Variants in WIPF1 observed in about 807,000 individuals in gnomAD.
WIPF1 encodes WAS/WASL-interacting protein family member 1.
Under a neutral mutation model 35.4 loss-of-function variants are expected in WIPF1, and 13 were observed. That is an observed-to-expected ratio of 0.37 (90% CI 0.24 to 0.58). The LOEUF is 0.58. Ranked by LOEUF, WIPF1 falls within the 20% of genes least tolerant of loss-of-function variation. The pLI is 0.74. For missense variants in WIPF1, 591 were observed against 667.0 expected, an observed-to-expected ratio of 0.89 and a Z score of 1.25; for synonymous variants, 267 against 266.3, an observed-to-expected ratio of 1.00 and a Z score of -0.02.
At chr2:174,608,527 C>T (rs1686245603) in intron 1 of WIPF1, among the ~76,000 whole-genome samples, 1 of 151,760 alleles carries the variant, frequency 6.6e-6, no homozygotes, top group Non-Finnish European at 1.5e-5. Flanking sequence ...TAAGCACTAT[C>T]TTGTCTTAGG....
upstream of WIPF1, among the ~76,000 whole-genome samples, chr2:174,601,211 ACC>A (rs1418075838): frequency 3.3e-5 from 5 of 152,096 alleles, no homozygotes; most frequent in African/African-American, 1.2e-4. Context: ...ATAGGTGTGA[ACC>A]ACCACGCTGC....
chr2:174,666,548 T>C (rs1687895707), intron 1 of WIPF1, among the ~76,000 whole-genome samples: 1 of 152,100 alleles, frequency 6.6e-6, no homozygotes, highest in Non-Finnish European at 1.5e-5. Flanking sequence ...TTCATGAGAG[T>C]TCATTAGTTT....
chr2:174,661,480 C>T lies in WIPF1; in HGVS notation c.-39+21294G>A, dbSNP rs186973150. 3.7e-4 allele frequency among the ~76,000 whole-genome samples: 56 copies of T among 152,208 alleles called. 1 individual carries two copies. The highest frequency in any genetic ancestry group is 7.2e-4 in the Non-Finnish European group (49 of 68,002). On this transcript the variant is annotated intron_variant, in intron 1 of 8. Coordinates refer to the WIPF1 transcript ENST00000272746. ...TGCACCAGGCATGCCCTCAGCCTGA[C>T]GCACACTTCCCCAGGTATCATCCAT...
intron 1 of WIPF1, among the ~76,000 whole-genome samples, chr2:174,605,794 CA>C (rs1180688159): frequency 6.6e-6 from 1 of 151,930 alleles, no homozygotes; most frequent in African/African-American, 2.4e-5. Context: ...CAGTTTGTTA[CA>C]CAGTTCTGTC....
At chr2:174,635,753 G>T (rs1394469516) in intron 1 of WIPF1, among the ~76,000 whole-genome samples, 4 of 152,028 alleles carry the variant, frequency 2.6e-5, no homozygotes, top group Admixed American at 2.0e-4. Context: ...GCTTTTAAAT[G>T]GATTTTTTTG....
upstream of WIPF1, among the ~76,000 whole-genome samples, chr2:174,599,899 T>C (rs117360190): frequency 8.6e-4 from 131 of 152,052 alleles, 3 homozygotes; most frequent in East Asian, 0.015. Flanking sequence ...CCTAACCTTT[T>C]TGGCACCAGG....
At chr2:174,616,607 C>T (rs895840360) in intron 1 of WIPF1, among the ~76,000 whole-genome samples, 1 of 152,122 alleles carries the variant, frequency 6.6e-6, no homozygotes, top group African/African-American at 2.4e-5. Context: ...TTTAAGATGA[C>T]CAACATTGAA....
At chr2:174,580,197 C>T (rs756609550) in intron 3 of WIPF1, among the ~76,000 whole-genome samples, 22 of 152,174 alleles carry the variant, frequency 1.4e-4, no homozygotes, top group Middle Eastern at 3.4e-3. Flanking sequence ...GTGATCCACC[C>T]GCCTCAGCCT....
At position 174,560,500 on chromosome 2, in the gene WIPF1, T is replaced by C. The variant is rs1291000033; in HGVS notation, c.*2047A>G. On this transcript the variant is annotated 3_prime_UTR_variant, in exon 8 of 8. Coordinates refer to ENST00000679041, the MANE Select transcript of WIPF1 (RefSeq NM_001375834.1). ...CATTAGGCTTTATCATAGGGATGTT[T>C]TTCACTGTTGAAATCAGATAAAAGA... 2 of 152,638 alleles carry C rather than the reference T, an allele frequency of 1.3e-5. No homozygotes were observed. Among genetic ancestry groups the C allele is most frequent in the Non-Finnish European group, 2.9e-5 (2 of 68,032 alleles). The allele number at this position is 152,638 out of a possible 1,614,324, so 9.5% of individuals were successfully genotyped here.
rs1345427164 is a variant in WIPF1 at position 174,560,385 on chromosome 2, C to T, written c.*2162G>A. The T allele has an allele frequency of 2.6e-5, 4 of 152,586 alleles. No individual in the cohort carries two copies. Among genetic ancestry groups the T allele is most frequent in the African/African-American group, 7.2e-5 (3 of 41,448 alleles). The allele number at this position is 152,586 out of a possible 1,614,324, so 9.5% of individuals were successfully genotyped here. A position where few individuals can be genotyped will look rare whatever the true frequency, so the allele number is the denominator to read the frequency against. On this transcript the variant is annotated 3_prime_UTR_variant, in exon 8 of 8. Transcript: ENST00000679041. ...AGGAATTGTCCAATTCTTACTACCC[C>T]TTATAAAATTCAGACCCACTTTCTC...
chr2:174,639,626 T>C (rs1465890676), intron 1 of WIPF1, among the ~76,000 whole-genome samples: 1 of 152,220 alleles, frequency 6.6e-6, no homozygotes, highest in Non-Finnish European at 1.5e-5. Context: ...CCTTGTCAGA[T>C]GTATGGTTTG....
intron 3 of WIPF1, 21 bp from the exon 4 acceptor site, chr2:174,575,401 G>A (rs967364874): frequency 1.3e-5 from 21 of 1,590,516 alleles, no homozygotes; most frequent in African/African-American, 1.1e-4. Flanking sequence ...AGAGACACCC[G>A]ACAGACTATG....
In WIPF1 at chr2:174,643,500, C is replaced by A. The variant is rs576852292; in HGVS notation, c.-39+39274G>T. On this transcript the variant is annotated intron_variant, in intron 1 of 8. Transcript: ENST00000272746. Reference sequence around the variant, plus strand: ...CAATCTCAGCTCACTGCAACCTCCGCCTCCTGGGTCCAGGAGATTCTCGAG... The same window carrying A: ...CAATCTCAGCTCACTGCAACCTCCGACTCCTGGGTCCAGGAGATTCTCGAG... 5.2e-4 allele frequency among the ~76,000 whole-genome samples: 77 copies of A among 149,060 alleles called. 11 individuals carry two copies. The highest frequency in any genetic ancestry group is 1.9e-3 in the African/African-American group (75 of 38,506).
Position 174,572,224 on chromosome 2 carries a change from A to G in WIPF1, c.581T>C (p.Ile194Thr), listed in dbSNP as rs772939228. The G allele has an allele frequency of 1.9e-6, 3 of 1,613,998 alleles. No homozygotes were observed. The highest frequency in any genetic ancestry group is 2.7e-5 in the African/African-American group (2 of 74,894). ...CCCCCGGTTGTGCGGACTTGATTGAATGGGTCTTGGAGTACTAGGTACTGG... is the reference window on the plus strand; with the variant it reads ...CCCCCGGTTGTGCGGACTTGATTGAGTGGGTCTTGGAGTACTAGGTACTGG... ...PPPVPSTPRP[I>T]QSSPHNRGSP... Residue 194 changes from isoleucine (I) to threonine (T), a missense_variant, in exon 5 of 8, where the codon ATT becomes ACT. Ile to Thr is a moderately conservative substitution (Grantham distance 89). Coordinates refer to ENST00000679041, the MANE Select transcript of WIPF1 (RefSeq NM_001375834.1).
In WIPF1 at chr2:174,575,185, A is replaced by G. The variant is rs541008986; in HGVS notation, c.358+19T>C. Reference sequence around the variant, plus strand: ...CTGCCTTGTCTTCAGTCACTCAGAGACAGGGAAACTCTCCTTACCATTATC... The same window carrying G: ...CTGCCTTGTCTTCAGTCACTCAGAGGCAGGGAAACTCTCCTTACCATTATC... On this transcript the variant is annotated intron_variant, in intron 4 of 7. Transcript: ENST00000679041. 8 of 1,593,658 alleles carry G rather than the reference A, an allele frequency of 5.0e-6. No homozygotes were observed. In the East Asian group the frequency reaches 6.7e-5, roughly 13 times the overall value.
At chr2:174,609,772 C>T (rs1164778349) in intron 1 of WIPF1, among the ~76,000 whole-genome samples, 1 of 152,098 alleles carries the variant, frequency 6.6e-6, no homozygotes, top group Non-Finnish European at 1.5e-5. Context: ...TTCTGGTGGT[C>T]CTGGGATGTC....
intron 1 of WIPF1, among the ~76,000 whole-genome samples, chr2:174,661,980 G>A (rs1687770782): frequency 6.6e-6 from 1 of 152,050 alleles, no homozygotes; most frequent in African/African-American, 2.4e-5. Context: ...CACCCTCTTG[G>A]GAGAGCAGAA....
chr2:174,666,730 G>A (rs1687899991), intron 1 of WIPF1, among the ~76,000 whole-genome samples: 1 of 152,250 alleles, frequency 6.6e-6, no homozygotes, highest in Admixed American at 6.5e-5. Context: ...ATGCCCAGGG[G>A]CCTGGCTTTG....
chr2:174,678,810 GC>G (rs1187093555), intron 1 of WIPF1, among the ~76,000 whole-genome samples: 1 of 152,238 alleles, frequency 6.6e-6, no homozygotes, highest in East Asian at 1.9e-4. Context: ...CGGGCTGGCA[GC>G]CCCTCAATAC....
Sources: allele counts gnomAD v4.1 joint callset (sites outside exome capture counted in the v4.1 genomes callset), GRCh38; gene constraint gnomAD v4.1.1; transcripts MANE v1.5; gene names NCBI Gene and HGNC (gene_info 2026-07-23, HGNC 2026-07-21).